Variants in IL1RAPL1 observed in about 807,000 individuals in gnomAD.
The protein encoded by IL1RAPL1 is interleukin-1 receptor accessory protein-like 1.
A neutral mutation model predicts 48.4 loss-of-function variants in IL1RAPL1; 3 were observed. The observed-to-expected ratio is 0.06, with a 90% CI of 0.03 to 0.16. The LOEUF (loss-of-function observed/expected upper bound fraction) is 0.16. IL1RAPL1 is among the 10% of genes least tolerant of loss of function. IL1RAPL1 has a pLI of 1.00. For missense variants in IL1RAPL1, 349 were observed against 530.6 expected, an observed-to-expected ratio of 0.66 and a Z score of 3.36; for synonymous variants, 185 against 187.7, an observed-to-expected ratio of 0.99 and a Z score of 0.12.
At chrX:29,614,042 G>A (rs1165512032) in intron 5 of IL1RAPL1, among the ~76,000 whole-genome samples, 3 of 110,507 alleles carry the variant, frequency 2.7e-5, no homozygotes, top group African/African-American at 9.9e-5. Context: ...GATTACAGGC[G>A]TGAGCCACCG....
At chrX:29,622,084 C>T (rs1302870037) in intron 5 of IL1RAPL1, among the ~76,000 whole-genome samples, 1 of 112,233 alleles carries the variant, frequency 8.9e-6, no homozygotes, top group Non-Finnish European at 1.9e-5. Flanking sequence ...CTGCAAAAGA[C>T]GGATTTCATT....
chrX:28,776,066 A>G (rs1160741107), intron 1 of IL1RAPL1, among the ~76,000 whole-genome samples: 1 of 112,023 alleles, frequency 8.9e-6, no homozygotes. Flanking sequence ...GTTTCTTCTT[A>G]TGTCTCTAAT....
chrX:29,262,736 T>C lies in IL1RAPL1; in HGVS notation c.83-20202T>C, dbSNP rs774469854. ...CATGTTTTTACTTCCATACAATTGA[T>C]TGTTAGAGGTGAAACCTTTTCCCAT... On this transcript the variant is annotated intron_variant, in intron 2 of 10. Transcript: ENST00000378993. Among the ~76,000 whole-genome samples, 6 of 111,800 alleles carry C rather than the reference T, an allele frequency of 5.4e-5. No individual in the cohort carries two copies. The East Asian group carries it at 1.7e-3, about 31-fold the overall frequency.
chrX:28,762,786 G>GCGCGCACACA (rs1366464632), intron 1 of IL1RAPL1, among the ~76,000 whole-genome samples: 10 of 62,969 alleles, frequency 1.6e-4, no homozygotes, highest in African/African-American at 6.3e-4. Flanking sequence ...GCACGCGCGC[G>GCGCGCACACA]CACACACACA....
intron 3 of IL1RAPL1, among the ~76,000 whole-genome samples, chrX:29,337,864 A>G (rs1933017837): frequency 1.8e-5 from 2 of 110,256 alleles, no homozygotes; most frequent in Non-Finnish European, 3.8e-5. Flanking sequence ...TAGGAGAGAC[A>G]GAGTTTCACC....
At chrX:29,045,402 C>T (rs1401234563) in intron 2 of IL1RAPL1, among the ~76,000 whole-genome samples, 1 of 112,014 alleles carries the variant, frequency 8.9e-6, no homozygotes, top group Non-Finnish European at 1.9e-5. Context: ...ACAGAGCATG[C>T]AATTGCCAAG....
chrX:29,867,026 T>C (rs1931708590), intron 6 of IL1RAPL1, among the ~76,000 whole-genome samples: 1 of 110,986 alleles, frequency 9.0e-6, no homozygotes, highest in African/African-American at 3.3e-5. Context: ...TGTTGTCAAA[T>C]AACTTGTTCA....
intron 1 of IL1RAPL1, among the ~76,000 whole-genome samples, chrX:28,656,951 C>T (rs967258302): frequency 9.0e-4 from 94 of 104,392 alleles, no homozygotes; most frequent in Non-Finnish European, 1.6e-3. Flanking sequence ...GCATGAACCC[C>T]GGGAGGCGGA....
At chrX:29,230,522 A>AAAAAAAAAAAAAAAAAAAAAC (rs1931178887) in intron 2 of IL1RAPL1, among the ~76,000 whole-genome samples, 1 of 90,822 alleles carries the variant, frequency 1.1e-5, no homozygotes, top group Admixed American at 1.3e-4. Flanking sequence ...AAAAAAAAAA[A>AAAAAAAAAAAAAAAAAAAAAC]AAAAAAAAAA....
At chrX:29,297,735 TAATC>T (rs1932470479) in intron 3 of IL1RAPL1, among the ~76,000 whole-genome samples, 1 of 112,533 alleles carries the variant, frequency 8.9e-6, no homozygotes, top group Admixed American at 9.4e-5. Context: ...TTTGATTTCT[TAATC>T]AGTGCACTCA....
intron 1 of IL1RAPL1, among the ~76,000 whole-genome samples, chrX:28,653,566 T>C (rs764413289): frequency 2.7e-5 from 3 of 111,741 alleles, no homozygotes; most frequent in Non-Finnish European, 5.6e-5. Flanking sequence ...TAGGCTGAGA[T>C]ATATGTATGT....
intron 5 of IL1RAPL1, among the ~76,000 whole-genome samples, chrX:29,591,973 A>C (rs1240413644): frequency 1.8e-5 from 2 of 111,830 alleles, no homozygotes; most frequent in Non-Finnish European, 3.8e-5. Flanking sequence ...TGTCTATGAA[A>C]GGCTGGCAGG....
At chrX:29,477,206 ATTC>A (rs1934987527) in intron 5 of IL1RAPL1, among the ~76,000 whole-genome samples, 1 of 111,492 alleles carries the variant, frequency 9.0e-6, no homozygotes. Context: ...AAAAAATAGG[ATTC>A]ATCTCCTAAG....
chrX:29,449,658 C>G (rs903966986), intron 5 of IL1RAPL1, among the ~76,000 whole-genome samples: 1 of 107,317 alleles, frequency 9.3e-6, no homozygotes, highest in Non-Finnish European at 1.9e-5. Context: ...GAATCTCTTT[C>G]TAACAGTGGA....
intron 5 of IL1RAPL1, among the ~76,000 whole-genome samples, chrX:29,507,710 C>T (rs1046040063): frequency 9.1e-6 from 1 of 109,826 alleles, no homozygotes; most frequent in Admixed American, 9.7e-5. Context: ...GTTCAAGAAG[C>T]TAGCTAACAT....
intron 8 of IL1RAPL1, among the ~76,000 whole-genome samples, chrX:29,920,743 C>T (rs1932838228): frequency 2.3e-5 from 2 of 86,206 alleles, no homozygotes; most frequent in South Asian, 6.6e-4. Flanking sequence ...TGCGGTTAGG[C>T]GAGATTGCGC....
At chrX:28,610,847 G>T (rs539275281) in intron 1 of IL1RAPL1, among the ~76,000 whole-genome samples, 2 of 111,503 alleles carry the variant, frequency 1.8e-5, no homozygotes, top group Admixed American at 9.5e-5. Context: ...GTGATACCAT[G>T]ATGTTGATAT....
At chrX:29,059,332 G>A (rs915212456) in intron 2 of IL1RAPL1, among the ~76,000 whole-genome samples, 1 of 111,311 alleles carries the variant, frequency 9.0e-6, no homozygotes, top group African/African-American at 3.3e-5. Flanking sequence ...CTCAACACCC[G>A]AAATGTTTGC....
chrX:29,887,672 T>C (rs1461633845), intron 6 of IL1RAPL1, among the ~76,000 whole-genome samples: 1 of 110,978 alleles, frequency 9.0e-6, no homozygotes, highest in Non-Finnish European at 1.9e-5. Context: ...TTTTTTTTTG[T>C]AAATTGTTTT....
Sources: allele counts gnomAD v4.1 joint callset (sites outside exome capture counted in the v4.1 genomes callset), GRCh38; gene constraint gnomAD v4.1.1; transcripts MANE v1.5; gene names NCBI Gene and HGNC (gene_info 2026-07-23, HGNC 2026-07-21).